Variants in WWOX observed in about 807,000 individuals in gnomAD.
WWOX encodes WW domain containing oxidoreductase.
WWOX carries 69 observed loss-of-function variants against 46.2 expected under a neutral mutation model. That is an observed-to-expected ratio of 1.49 (90% CI 1.23 to 1.82). The LOEUF (loss-of-function observed/expected upper bound fraction) is 1.82, where lower values mean the gene tolerates loss of function less well. Ranked by LOEUF, WWOX falls within the 40% of genes most tolerant of loss-of-function variation. The pLI is 0.00. For missense variants in WWOX, 919 were observed against 542.6 expected (o/e 1.69, Z -6.89); for synonymous variants, 359 against 202.6 (o/e 1.77, Z -6.56).
chr16:78,923,800 T>TG (rs1421325600), intron 8 of WWOX, among the ~76,000 whole-genome samples: 2 of 134,700 alleles, frequency 1.5e-5, no homozygotes, highest in African/African-American at 5.5e-5. Context: ...GTTAGTTTTT[T>TG]TTTTTTTTTT....
intron 8 of WWOX, among the ~76,000 whole-genome samples, chr16:78,592,992 G>C (rs1335901601): frequency 6.6e-6 from 1 of 152,154 alleles, no homozygotes; most frequent in Non-Finnish European, 1.5e-5. Flanking sequence ...AGTTGCTTGA[G>C]CACAGATAGC....
intron 8 of WWOX, among the ~76,000 whole-genome samples, chr16:78,874,795 C>T (rs769452660): frequency 7.0e-6 from 1 of 142,146 alleles, no homozygotes; most frequent in Non-Finnish European, 1.5e-5. Flanking sequence ...CACAGGCCTT[C>T]TACATAGGAG....
chr16:78,153,516 G>C (rs1352261784), intron 4 of WWOX, among the ~76,000 whole-genome samples: 3 of 152,076 alleles, frequency 2.0e-5, no homozygotes, highest in Admixed American at 2.0e-4. Flanking sequence ...CATAATGGCA[G>C]ATCTCCAGGG....
intron 8 of WWOX, among the ~76,000 whole-genome samples, chr16:78,621,357 G>A (rs2046176819): frequency 6.6e-6 from 1 of 151,958 alleles, no homozygotes; most frequent in East Asian, 1.9e-4. Context: ...CTCCTAGTGG[G>A]CAGTTTGCTG....
Position 78,844,841 on chromosome 16 carries a change from C to G in WWOX, c.1057-366767C>G, listed in dbSNP as rs67150563. ...CTAACAGTGTCACCGTGTAAGCTGA[C>G]CCAGTGACCTTGCTCTAGCTCACCA... On this transcript the variant is annotated intron_variant, in intron 8 of 8. Transcript: ENST00000566780. Among the ~76,000 whole-genome samples, 754 of 152,266 alleles carry G rather than the reference C, an allele frequency of 5.0e-3. 2 individuals carry two copies. Among genetic ancestry groups the G allele is most frequent in the Middle Eastern group, 0.01 (3 of 294 alleles).
chr16:79,049,865 G>A (rs1036065978), intron 8 of WWOX, among the ~76,000 whole-genome samples: 2 of 151,116 alleles, frequency 1.3e-5, no homozygotes, highest in Non-Finnish European at 2.9e-5. Context: ...TTACTTCTGA[G>A]TTAAAATATG....
At chr16:78,884,886 A>C (rs1355327021) in intron 8 of WWOX, among the ~76,000 whole-genome samples, 1 of 152,238 alleles carries the variant, frequency 6.6e-6, no homozygotes, top group East Asian at 1.9e-4. Flanking sequence ...AATAATAATA[A>C]TATAAAGCAC....
At position 78,432,566 on chromosome 16, in the gene WWOX, G is replaced by A. The variant is rs199809390; in HGVS notation, c.870G>A (p.Met290Ile). The change falls in exon 8 of 9, where the codon ATG (methionine) becomes ATA (isoleucine). Residue 290 changes from methionine to isoleucine, a missense_variant. Physicochemically the swap from Met to Ile is conservative, Grantham distance 10. Coordinates refer to ENST00000566780, the MANE Select transcript of WWOX (RefSeq NM_016373.4). ...CAACAAAAAACGACTATTGGGCGAT[G>A]CTGGCTTATAACAGGTCCAAGCTCT... is the stretch of plus-strand genomic sequence containing the variant. The part of the protein sequence containing the change: ...LSPTKNDYWA[M>I]LAYNRSKLCN... 12 of 1,614,214 alleles carry A rather than the reference G, an allele frequency of 7.4e-6. No homozygotes were observed. Among genetic ancestry groups the A allele is most frequent in the Admixed American group, 6.7e-5 (4 of 60,022 alleles).
At chr16:78,821,018 C>G (rs370247586) in intron 8 of WWOX, among the ~76,000 whole-genome samples, 1 of 152,176 alleles carries the variant, frequency 6.6e-6, no homozygotes, top group East Asian at 1.9e-4. Context: ...TCATCTCATT[C>G]CTTATCTTAA....
intron 4 of WWOX, among the ~76,000 whole-genome samples, chr16:78,116,896 G>T (rs933266596): frequency 6.6e-6 from 1 of 152,168 alleles, no homozygotes; most frequent in Admixed American, 6.5e-5. Context: ...TGTTCGAACT[G>T]CTCCATGTGA....
At position 79,134,979 on chromosome 16, in the gene WWOX, A is replaced by G. The variant is rs566360741; in HGVS notation, c.1057-76629A>G. Among the ~76,000 whole-genome samples the G allele has an allele frequency of 1.4e-4, 21 of 152,334 alleles. No homozygotes were observed. The South Asian group carries it at 4.4e-3, about 32-fold the overall frequency. ...CAGACAGGAGCTACATACATTTGAAAATTAGGATGATTTGAAATTGAAATG... is the reference window on the plus strand; with the variant it reads ...CAGACAGGAGCTACATACATTTGAAGATTAGGATGATTTGAAATTGAAATG... On this transcript the variant is annotated intron_variant, in intron 8 of 8. Coordinates refer to ENST00000566780, the MANE Select transcript of WWOX (RefSeq NM_016373.4).
chr16:78,285,252 G>T (rs1017482747), intron 5 of WWOX, among the ~76,000 whole-genome samples: 1 of 151,964 alleles, frequency 6.6e-6, no homozygotes, highest in Non-Finnish European at 1.5e-5. Flanking sequence ...GGGCAACACA[G>T]TGAGACCCTG....
At chr16:78,390,315 T>G (rs2082151626) in intron 6 of WWOX, among the ~76,000 whole-genome samples, 1 of 152,234 alleles carries the variant, frequency 6.6e-6, no homozygotes, top group Non-Finnish European at 1.5e-5. Flanking sequence ...ACCATTAGTT[T>G]TTAACCATTA....
chr16:78,753,130 A>G (rs1352083768), intron 8 of WWOX, among the ~76,000 whole-genome samples: 1 of 152,104 alleles, frequency 6.6e-6, no homozygotes, highest in Non-Finnish European at 1.5e-5. Flanking sequence ...CCCCGTCTCT[A>G]CTAATAATAC....
At chr16:79,183,084 A>G (rs969016715) in intron 8 of WWOX, among the ~76,000 whole-genome samples, 2 of 152,198 alleles carry the variant, frequency 1.3e-5, no homozygotes, top group South Asian at 2.1e-4. Flanking sequence ...GCAACCCACT[A>G]TGGGTACTCC....
At chr16:78,673,029 G>A (rs768951174) in intron 8 of WWOX, among the ~76,000 whole-genome samples, 6 of 152,300 alleles carry the variant, frequency 3.9e-5, no homozygotes, top group East Asian at 3.9e-4. Flanking sequence ...TTTGAAACCC[G>A]TCAATGGGGT....
intron 8 of WWOX, among the ~76,000 whole-genome samples, chr16:79,185,282 G>A (rs748951977): frequency 1.1e-4 from 16 of 152,164 alleles, no homozygotes; most frequent in Non-Finnish European, 1.5e-4. Context: ...TCTTCAATAA[G>A]AGCAGAGGCA....
At chr16:78,222,917 G>C (rs1348540302) in intron 5 of WWOX, among the ~76,000 whole-genome samples, 2 of 152,166 alleles carry the variant, frequency 1.3e-5, no homozygotes, top group East Asian at 3.9e-4. Context: ...ATGCAAATAG[G>C]CTCAGGGTTC....
chr16:78,319,505 T>C (rs1346888361), intron 5 of WWOX, among the ~76,000 whole-genome samples: 2 of 151,952 alleles, frequency 1.3e-5, no homozygotes, highest in African/African-American at 4.8e-5. Flanking sequence ...CAAGCGGTCC[T>C]CCCTCCTTGG....
Sources: allele counts gnomAD v4.1 joint callset (sites outside exome capture counted in the v4.1 genomes callset), GRCh38; gene constraint gnomAD v4.1.1; transcripts MANE v1.5; gene names NCBI Gene and HGNC (gene_info 2026-07-23, HGNC 2026-07-21).